Variants in PPP2R5A observed in about 807,000 individuals in gnomAD.
The protein encoded by PPP2R5A is protein phosphatase 2 regulatory subunit B'alpha.
In PPP2R5A, 25 loss-of-function variants were observed where a neutral mutation model predicts 64.2. The ratio of observed to expected loss-of-function variants is 0.39; its 90% CI spans 0.28 to 0.54. PPP2R5A has a LOEUF of 0.54. Among genes scored for constraint, PPP2R5A ranks in the 20% least tolerant of loss-of-function variants. PPP2R5A has a pLI of 0.67. For synonymous variants in PPP2R5A, 198 were observed against 201.2 expected, an observed-to-expected ratio of 0.98 and a Z score of 0.13; for missense variants, 425 against 576.3, an observed-to-expected ratio of 0.74 and a Z score of 2.69.
At chr1:212,341,446 C>G (rs1659683614) in intron 3 of PPP2R5A, among the ~76,000 whole-genome samples, 1 of 152,136 alleles carries the variant, frequency 6.6e-6, no homozygotes, top group South Asian at 2.1e-4. Flanking sequence ...TAATGATACA[C>G]TGCCTGTTTT....
chr1:212,348,544 C>A (rs768267788), intron 7 of PPP2R5A, 47 bp downstream of exon 7: 2 of 1,296,894 alleles, frequency 1.5e-6, no homozygotes, highest in South Asian at 2.6e-5. Context: ...ATTTCAAAGG[C>A]CAATATAAAG....
chr1:212,332,980 CA>C (rs1243110595), intron 2 of PPP2R5A, among the ~76,000 whole-genome samples: 1 of 151,696 alleles, frequency 6.6e-6, no homozygotes, highest in Non-Finnish European at 1.5e-5. Flanking sequence ...CGGCTCACTG[CA>C]ACCTCTGTCT....
At chr1:212,292,267 A>G (rs1196191012) in intron 1 of PPP2R5A, among the ~76,000 whole-genome samples, 1 of 152,182 alleles carries the variant, frequency 6.6e-6, no homozygotes, top group Non-Finnish European at 1.5e-5. Context: ...TGGTTTGAAT[A>G]ATACTTCTGT....
chr1:212,353,072 C>T (rs1240157128), intron 8 of PPP2R5A: 1 of 431,368 alleles, frequency 2.3e-6, no homozygotes, highest in African/African-American at 2.0e-5. Flanking sequence ...GAGTGTTGGC[C>T]AGAAGTTGAG....
chr1:212,356,842 T>G, intron 9 of PPP2R5A, 108 bp from the exon 10 acceptor site: 1 of 1,278,376 alleles, frequency 7.8e-7, no homozygotes, highest in Non-Finnish European at 1.1e-6. Flanking sequence ...ATCCAGACAT[T>G]TTTTTGCTTA....
At chr1:212,356,756 G>A (rs1659984232) in intron 9 of PPP2R5A, 80 bp downstream of exon 9, 2 of 1,477,312 alleles carry the variant, frequency 1.4e-6, no homozygotes, top group Middle Eastern at 1.8e-4. Flanking sequence ...TCTTTGGGCT[G>A]GCTGTATTGC....
chr1:212,345,855 C>T lies in PPP2R5A; in HGVS notation c.626C>T (p.Thr209Ile). 1 of 1,611,776 alleles carries T rather than the reference C, an allele frequency of 6.2e-7. No homozygotes were observed. Among genetic ancestry groups the T allele is most frequent in the African/African-American group, 1.3e-5 (1 of 74,918 alleles). ...CCCAGAGAACGTGACTTCCTGAAGA[C>T]TGTTCTGCACCGAATTTATGGGAAA... Reference protein sequence around the residue: ...EDPRERDFLKTVLHRIYGKFL... With the variant: ...EDPRERDFLKIVLHRIYGKFL... The change falls in exon 5 of 13, where the codon ACT (threonine) becomes ATT (isoleucine). Residue 209 changes from threonine to isoleucine, a missense_variant. Around this residue, in one of 4 missense-constraint regions of PPP2R5A, gnomAD observed 140 missense variants for 204.4 expected, o/e 0.68. Transcript: ENST00000261461.
intron 1 of PPP2R5A, chr1:212,313,938 T>G (rs1043645955): frequency 6.6e-6 from 1 of 152,232 alleles, no homozygotes; most frequent in African/African-American, 2.4e-5. Context: ...TATTGAGAAT[T>G]TAATCTGAAT....
chr1:212,355,215 T>G (rs1659957813), intron 8 of PPP2R5A, among the ~76,000 whole-genome samples: 1 of 152,204 alleles, frequency 6.6e-6, no homozygotes, highest in Non-Finnish European at 1.5e-5. Flanking sequence ...AAGGTATTGA[T>G]TTTTATATAT....
intron 1 of PPP2R5A, among the ~76,000 whole-genome samples, chr1:212,317,696 T>G (rs1042524501): frequency 2.4e-4 from 36 of 152,074 alleles, no homozygotes. Flanking sequence ...TTCTTAAAAG[T>G]GTGAGCCAGG....
At chr1:212,302,055 TGAA>T (rs1658807373) in intron 1 of PPP2R5A, 1 of 1,528,780 alleles carries the variant, frequency 6.5e-7, no homozygotes, top group Non-Finnish European at 8.8e-7. Context: ...ACTGATTTAA[TGAA>T]GAAGGGCAAG....
chr1:212,295,580 C>G (rs189868163), intron 1 of PPP2R5A, among the ~76,000 whole-genome samples: 15 of 152,154 alleles, frequency 9.9e-5, no homozygotes, highest in East Asian at 1.9e-4. Flanking sequence ...CAAGGAATAC[C>G]AACATTGAGA....
chr1:212,300,814 A>G (rs1658787698), intron 1 of PPP2R5A, among the ~76,000 whole-genome samples: 1 of 152,140 alleles, frequency 6.6e-6, no homozygotes, highest in Non-Finnish European at 1.5e-5. Context: ...CTAATATTTA[A>G]TTTCATGGAA....
At chr1:212,348,939 T>C (rs1241627586) in intron 7 of PPP2R5A, among the ~76,000 whole-genome samples, 1 of 152,184 alleles carries the variant, frequency 6.6e-6, no homozygotes, top group East Asian at 1.9e-4. Context: ...GTTAACTTTA[T>C]AGTCAGAAAT....
At chr1:212,346,243 CATAGT>C (rs1659775453) in intron 5 of PPP2R5A, among the ~76,000 whole-genome samples, 1 of 151,780 alleles carries the variant, frequency 6.6e-6, no homozygotes, top group African/African-American at 2.4e-5. Context: ...ATATATGTAA[CATAGT>C]ATATATGTGT....
chr1:212,325,607 A>G (rs1167739745), intron 1 of PPP2R5A, among the ~76,000 whole-genome samples: 1 of 152,164 alleles, frequency 6.6e-6, no homozygotes, highest in Non-Finnish European at 1.5e-5. Context: ...CAGCCTCTCA[A>G]GATATGGCAA....
chr1:212,326,263 A>G (rs1659406559), intron 1 of PPP2R5A, among the ~76,000 whole-genome samples: 1 of 150,820 alleles, frequency 6.6e-6, no homozygotes, highest in South Asian at 2.1e-4. Flanking sequence ...TTTTAAGGAT[A>G]CATAAAAATA....
Position 212,329,722 on chromosome 1 carries a change from C to T in PPP2R5A, c.378+391C>T, listed in dbSNP as rs112815477. 1.4e-3 allele frequency among the ~76,000 whole-genome samples: 219 copies of T among 152,330 alleles called. 2 individuals carry two copies. The highest frequency in any genetic ancestry group is 5.1e-3 in the African/African-American group (212 of 41,566). ...AGTGCAGTGGTGCGATCTTGGCTCA[C>T]TGCAACCTCTGCCTCCCAGTTTCAA... On this transcript the variant is annotated intron_variant, in intron 2 of 12. Transcript: ENST00000261461.
intron 3 of PPP2R5A, among the ~76,000 whole-genome samples, chr1:212,340,319 A>C (rs1659666353): frequency 6.6e-6 from 1 of 152,052 alleles, no homozygotes; most frequent in Admixed American, 6.6e-5. Flanking sequence ...CCCTTTTCTA[A>C]ATAGCTCCTG....
Sources: allele counts gnomAD v4.1 joint callset (sites outside exome capture counted in the v4.1 genomes callset), GRCh38; gene constraint gnomAD v4.1.1; regional missense constraint gnomAD v4.1.1; transcripts MANE v1.5; gene names NCBI Gene and HGNC (gene_info 2026-07-23, HGNC 2026-07-21).